The following DAB2IP variants were observed in gnomAD, a reference collection of about 807,000 sequenced individuals.
DAB2IP encodes disabled homolog 2-interacting protein.
In DAB2IP, 28 loss-of-function variants were observed where a neutral mutation model predicts 107.2. That is an observed-to-expected ratio of 0.26 (90% CI 0.19 to 0.36). The LOEUF is 0.36. DAB2IP is among the 10% of genes least tolerant of loss of function. The pLI, the probability that DAB2IP is intolerant of heterozygous loss-of-function variation, is 1.00. For synonymous variants in DAB2IP, 755 were observed against 706.4 expected (o/e 1.07, Z -1.09); for missense variants, 1,400 against 1,644.7 (o/e 0.85, Z 2.57).
chr9:121,568,384 G>C (rs1829856561), intron 1 of DAB2IP, among the ~76,000 whole-genome samples: 2 of 152,188 alleles, frequency 1.3e-5, no homozygotes, highest in African/African-American at 4.8e-5. Context: ...GATGCATGCA[G>C]AGTGACCTCC....
chr9:121,611,193 C>G (rs746121831), intron 1 of DAB2IP, among the ~76,000 whole-genome samples: 2 of 152,148 alleles, frequency 1.3e-5, no homozygotes, highest in Admixed American at 6.5e-5. Context: ...AGGCTGGTCT[C>G]GAACTCCTGA....
chr9:121,763,764 G>C, exon 8 of DAB2IP: 1 of 1,614,142 alleles, frequency 6.2e-7, no homozygotes, highest in Non-Finnish European at 8.5e-7. Flanking sequence ...GTATGAGTCA[G>C]ATGAGAACTG....
At chr9:121,611,579 A>G (rs1270844431) in intron 1 of DAB2IP, among the ~76,000 whole-genome samples, 1 of 152,040 alleles carries the variant, frequency 6.6e-6, no homozygotes, top group Non-Finnish European at 1.5e-5. Context: ...CTGTTATTAT[A>G]TTATTATTAT....
intron 11 of DAB2IP, 50 bp downstream of exon 11, chr9:121,770,774 G>A: frequency 6.3e-7 from 1 of 1,593,518 alleles, no homozygotes; most frequent in East Asian, 2.2e-5. Flanking sequence ...TGCAGACTAG[G>A]CACAGCCCAT....
chr9:121,728,816 G>T (rs893891828), intron 3 of DAB2IP, among the ~76,000 whole-genome samples: 1 of 152,014 alleles, frequency 6.6e-6, no homozygotes, highest in Non-Finnish European at 1.5e-5. Context: ...ATGAGATTTG[G>T]GGAGGGGGGG....
rs542997327 is a variant in DAB2IP, at chr9:121,770,928, G to GTTTGT, written c.2078+214_2078+218dup. On this transcript the variant is annotated intron_variant, in intron 11 of 15. Transcript: ENST00000408936. ...CTTCCTAGAGGAGGTGATGCTATAG[G>GTTTGT]TTTGTTTTGTTTTGGGAAAAGTAGC... is the stretch of plus-strand genomic sequence containing the variant. 2.4e-4 allele frequency among the ~76,000 whole-genome samples: 33 copies of GTTTGT among 140,308 alleles called. No individual in the cohort carries two copies. In the East Asian group the frequency reaches 6.4e-3, roughly 27 times the overall value. The allele number at this position is 140,308 out of a possible 152,430, so 92.0% of individuals were successfully genotyped here.
rs1348330164 is a variant in DAB2IP, at chr9:121,634,191, G to A, written c.41-44487G>A. Among the ~76,000 whole-genome samples the A allele has an allele frequency of 3.3e-5, 5 of 152,072 alleles. No homozygotes were observed. Among genetic ancestry groups the A allele is most frequent in the Non-Finnish European group, 7.4e-5 (5 of 67,996 alleles). On this transcript the variant is annotated intron_variant, in intron 1 of 16. Coordinates refer to the DAB2IP transcript ENST00000259371. The surrounding 1 kb of genome is among the most constrained non-coding windows in gnomAD (Gnocchi z 4.7). ...GTTTTCACATGCCAACTCCTAGGAA[G>A]GGTCCCCTATGCACCCCGGGGTAGG...
intron 3 of DAB2IP, among the ~76,000 whole-genome samples, chr9:121,741,691 G>C (rs1407291341): frequency 6.6e-6 from 1 of 151,738 alleles, no homozygotes; most frequent in African/African-American, 2.4e-5. Flanking sequence ...AACAGGCTGA[G>C]AGAAAGAAAT....
intron 2 of DAB2IP, among the ~76,000 whole-genome samples, chr9:121,694,258 TC>T (rs1027357478): frequency 5.9e-5 from 9 of 152,092 alleles, no homozygotes; most frequent in Admixed American, 4.6e-4. Context: ...TTGGTTACAG[TC>T]CCAGCTCTGC....
Position 121,782,924 on chromosome 9 carries a change from C to A in DAB2IP, c.*426C>A, listed in dbSNP as rs563141457. The stretch of plus-strand genomic sequence containing the variant: ...GGGGCCTACACCTGTGGCTTCCCCT[C>A]GCCTCCTTGGGGGGCCCGGGACTCC... On this transcript the variant is annotated 3_prime_UTR_variant, in exon 16 of 16. Transcript: ENST00000408936. This position sits in a 1 kb window ranked among gnomAD's most constrained non-coding sequence, Gnocchi z 6.1. The A allele has an allele frequency of 2.3e-5, 24 of 1,021,614 alleles. No individual in the cohort carries two copies. The highest frequency in any genetic ancestry group is 2.6e-5 in the Non-Finnish European group (22 of 852,190). The allele number at this position is 1,021,614 out of a possible 1,614,324, so 63.3% of individuals were successfully genotyped here.
intron 11 of DAB2IP, among the ~76,000 whole-genome samples, chr9:121,771,360 C>T (rs192881240): frequency 2.5e-4 from 38 of 152,308 alleles, no homozygotes; most frequent in East Asian, 7.7e-4. Flanking sequence ...TCCCCTCTCC[C>T]GCCAGTGATC....
intron 2 of DAB2IP, among the ~76,000 whole-genome samples, chr9:121,680,451 G>T (rs570162769): frequency 6.6e-6 from 1 of 152,166 alleles, no homozygotes; most frequent in Non-Finnish European, 1.5e-5. Flanking sequence ...GCGCTGAGAC[G>T]ATTCAGGGTC....
chr9:121,768,439 A>T, exon 10 of DAB2IP: 1 of 1,614,210 alleles, frequency 6.2e-7, no homozygotes, highest in South Asian at 1.1e-5. Context: ...CAGATTTGGC[A>T]GCAAGGAGGA....
Position 121,763,725 on chromosome 9 carries a change from T to G in DAB2IP, c.1316-10T>G, listed in dbSNP as rs1310807914. On this transcript the variant is annotated splice_polypyrimidine_tract_variant and intron_variant, in intron 7 of 15. Coordinates refer to ENST00000408936, the Ensembl canonical transcript of DAB2IP. The stretch of plus-strand genomic sequence containing the variant: ...TCCTCACTCCCCACTCCCTGCCCAC[T>G]TGTCCATAGGTGAGTTCATCAAAGC... The G allele has an allele frequency of 6.2e-7, 1 of 1,613,464 alleles. No individual in the cohort carries two copies. The highest frequency in any genetic ancestry group is 8.5e-7 in the Non-Finnish European group (1 of 1,179,610).
exon 16 of DAB2IP, chr9:121,784,335 T>C (rs897153068): frequency 1.3e-5 from 2 of 153,460 alleles, no homozygotes; most frequent in African/African-American, 4.8e-5. Flanking sequence ...CATCCTCCCA[T>C]TGCCCAGTGA....
At chr9:121,751,112 C>CCTGCCCGGCTGCTGTGGACCTTTCCCTG (rs1220237930) in intron 3 of DAB2IP, 222 of 212,750 alleles carry the variant, frequency 1.0e-3, no homozygotes, top group African/African-American at 2.8e-3. Flanking sequence ...GACCTTTCCC[C>CCTGCCCGGCTGCTGTGGACCTTTCCCTG]CTGCCCGGCT....
intron 3 of DAB2IP, among the ~76,000 whole-genome samples, chr9:121,724,549 G>A (rs188000054): frequency 2.0e-4 from 31 of 152,298 alleles, no homozygotes; most frequent in Admixed American, 4.6e-4. Flanking sequence ...TAGACTGTAC[G>A]CCACATGCAA....
At chr9:121,654,172 C>G (rs1191532239) in intron 1 of DAB2IP, among the ~76,000 whole-genome samples, 1 of 152,064 alleles carries the variant, frequency 6.6e-6, no homozygotes, top group African/African-American at 2.4e-5. Flanking sequence ...GAGCTACTGT[C>G]TTCTCTCTGG....
intron 1 of DAB2IP, among the ~76,000 whole-genome samples, chr9:121,577,320 A>G (rs1830085392): frequency 6.6e-6 from 1 of 152,152 alleles, no homozygotes; most frequent in South Asian, 2.1e-4. Context: ...TTTCTGTCCA[A>G]TCTGGAAGCC....
Sources: gnomAD v4.1 joint callset for allele counts (sites outside exome capture counted in the v4.1 genomes callset) on GRCh38, gnomAD v4.1.1 for gene constraint, Gnocchi (gnomAD v3.1) non-coding constraint, MANE v1.5 for transcripts, NCBI Gene and HGNC (gene_info 2026-07-23, HGNC 2026-07-21) for gene names.